Variants in TMEM117 observed in about 807,000 individuals in gnomAD.
TMEM117 encodes the protein transmembrane protein 117.
TMEM117 carries 27 observed loss-of-function variants against 52.4 expected under a neutral mutation model. The observed-to-expected ratio is 0.51, with a 90% confidence interval of 0.38 to 0.71. The LOEUF (loss-of-function observed/expected upper bound fraction) is 0.71. Among genes scored for constraint, TMEM117 ranks in the 30% least tolerant of loss-of-function variants. TMEM117 has a pLI of 0.00. For synonymous variants in TMEM117, 215 were observed against 206.3 expected, an observed-to-expected ratio of 1.04 and a Z score of -0.36; for missense variants, 556 against 630.5, an observed-to-expected ratio of 0.88 and a Z score of 1.26.
chr12:44,084,780 A>G (rs1947539016), intron 3 of TMEM117, among the ~76,000 whole-genome samples: 1 of 152,186 alleles, frequency 6.6e-6, no homozygotes, highest in African/African-American at 2.4e-5. Context: ...TCTGCTAAAT[A>G]TACTCTTACG....
At chr12:44,199,288 A>T (rs1163915984) in intron 4 of TMEM117, among the ~76,000 whole-genome samples, 1 of 152,208 alleles carries the variant, frequency 6.6e-6, no homozygotes, top group African/African-American at 2.4e-5. Flanking sequence ...AATTAAAAGA[A>T]ATTCAGTATC....
At chr12:43,965,958 T>C (rs533014408) in intron 3 of TMEM117, among the ~76,000 whole-genome samples, 58 of 152,202 alleles carry the variant, frequency 3.8e-4, no homozygotes, top group Non-Finnish European at 7.3e-4. Context: ...TATGTCCATG[T>C]ATACTCAATG....
chr12:43,857,952 C>T (rs1000687011), intron 2 of TMEM117, among the ~76,000 whole-genome samples: 2 of 152,104 alleles, frequency 1.3e-5, no homozygotes, highest in African/African-American at 4.8e-5. Flanking sequence ...TTGCCCTGCA[C>T]GGTTCTGGAT....
chr12:44,351,784 G>T (rs1367381509), intron 6 of TMEM117, among the ~76,000 whole-genome samples: 3 of 151,852 alleles, frequency 2.0e-5, no homozygotes, highest in Non-Finnish European at 4.4e-5. Flanking sequence ...AACCTATTGT[G>T]TTTGTCAAAA....
chr12:44,285,922 G>A (rs1022804606), intron 5 of TMEM117, among the ~76,000 whole-genome samples: 2 of 152,104 alleles, frequency 1.3e-5, no homozygotes, highest in Non-Finnish European at 2.9e-5. Flanking sequence ...TGAACAACAT[G>A]GTTAGAAATT....
chr12:44,057,580 A>AT (rs1055845038), intron 3 of TMEM117, among the ~76,000 whole-genome samples: 1 of 151,482 alleles, frequency 6.6e-6, no homozygotes, highest in Non-Finnish European at 1.5e-5. Flanking sequence ...CTGTGCTATG[A>AT]TTTTTTTGAA....
the TMEM117 span, chr12:43,804,025 C>T: frequency 4.5e-6 from 1 of 224,146 alleles, no homozygotes; most frequent in African/African-American, 2.3e-5. Context: ...ATTCTCAGAA[C>T]TTTCCCAAAA....
At chr12:44,192,051 G>T (rs1251379940) in intron 4 of TMEM117, among the ~76,000 whole-genome samples, 4 of 152,084 alleles carry the variant, frequency 2.6e-5, no homozygotes, top group African/African-American at 4.8e-5. Context: ...GGGTAGGATT[G>T]GTACTAATCA....
intron 3 of TMEM117, among the ~76,000 whole-genome samples, chr12:43,979,462 A>G (rs934877122): frequency 1.3e-5 from 2 of 152,126 alleles, no homozygotes; most frequent in African/African-American, 2.4e-5. Context: ...TTCCTTGAGG[A>G]AGTACTTTCC....
At chr12:44,223,734 C>CTG in intron 5 of TMEM117, among the ~76,000 whole-genome samples, 1 of 152,248 alleles carries the variant, frequency 6.6e-6, no homozygotes, top group South Asian at 2.1e-4. Flanking sequence ...ATTGGAGTTT[C>CTG]ACCTCAGTTA....
chr12:43,799,256 T>C, the TMEM117 span: 3 of 481,618 alleles, frequency 6.2e-6, no homozygotes, highest in African/African-American at 2.0e-5. Flanking sequence ...ATTAAGCACA[T>C]AGCCTTATCT....
rs76314370 is a variant in TMEM117 at position 44,245,583 on chromosome 12, G to GT, written c.608+34207dup. ...AACTGAATTATTTATCAGTTCTAAC[G>GT]TTTTTTTTTTTGTTGGAGTCTTTAG... On this transcript the variant is annotated intron_variant, in intron 5 of 7. Transcript: ENST00000266534. 5.1e-3 allele frequency among the ~76,000 whole-genome samples: 732 copies of GT among 142,534 alleles called. 16 individuals are homozygous for GT. The highest frequency in any genetic ancestry group is 0.038 in the East Asian group (187 of 4,980). The allele number at this position is 142,534 out of a possible 152,430, so 93.5% of individuals were successfully genotyped here.
intron 4 of TMEM117, among the ~76,000 whole-genome samples, chr12:44,187,620 C>T (rs566468570): frequency 6.6e-6 from 1 of 152,228 alleles, no homozygotes; most frequent in East Asian, 1.9e-4. Flanking sequence ...GGATATGTTG[C>T]ATTTGTGCTG....
intron 3 of TMEM117, among the ~76,000 whole-genome samples, chr12:44,030,532 G>T (rs567505327): frequency 1.6e-3 from 240 of 152,310 alleles, no homozygotes; most frequent in African/African-American, 5.7e-3. Context: ...TAAAGAAACA[G>T]TTTTACATGC....
At chr12:44,335,078 A>G (rs1251656264) in intron 6 of TMEM117, among the ~76,000 whole-genome samples, 2 of 152,060 alleles carry the variant, frequency 1.3e-5, no homozygotes, top group Non-Finnish European at 2.9e-5. Flanking sequence ...AAAAGCAGAC[A>G]TGGTATATTG....
rs188230412 is a variant in TMEM117 at position 44,116,092 on chromosome 12, C to G, written c.411-27433C>G. On this transcript the variant is annotated intron_variant, in intron 3 of 7. Transcript: ENST00000266534. ...TCACTGAAAATATTCTTGCTGAAGT[C>G]AATAATCATCTACATGTTAAATTTA... 1.3e-4 allele frequency among the ~76,000 whole-genome samples: 20 copies of G among 152,282 alleles called. No individual in the cohort carries two copies. In the South Asian group the frequency reaches 3.9e-3, roughly 30 times the overall value.
intron 3 of TMEM117, among the ~76,000 whole-genome samples, chr12:43,963,057 CA>C: frequency 1.3e-5 from 2 of 151,666 alleles, no homozygotes; most frequent in East Asian, 3.9e-4. Flanking sequence ...ATTCTTTTAG[CA>C]AAAAACAATT....
chr12:44,293,371 A>C (rs1199581189), intron 5 of TMEM117, among the ~76,000 whole-genome samples: 1 of 151,954 alleles, frequency 6.6e-6, no homozygotes, highest in East Asian at 1.9e-4. Context: ...TTGCTTTTTG[A>C]ATCTATTCAG....
upstream of TMEM117, among the ~76,000 whole-genome samples, chr12:43,834,659 C>T (rs557890154): frequency 6.6e-6 from 1 of 152,156 alleles, no homozygotes; most frequent in Non-Finnish European, 1.5e-5. Flanking sequence ...CTTAAGAAGA[C>T]AGAAGACAAG....
Sources: allele counts gnomAD v4.1 joint callset (sites outside exome capture counted in the v4.1 genomes callset), GRCh38; gene constraint gnomAD v4.1.1; transcripts MANE v1.5; gene names NCBI Gene and HGNC (gene_info 2026-07-23, HGNC 2026-07-21).